The following SNTB1 variants were observed in gnomAD, a reference collection of about 807,000 sequenced individuals.
The protein encoded by SNTB1 is syntrophin beta 1.
In SNTB1, 36 loss-of-function variants were observed where a neutral mutation model predicts 48.9. The ratio of observed to expected loss-of-function variants is 0.74; its 90% CI spans 0.56 to 0.97. SNTB1 has a LOEUF of 0.97. Among genes scored for constraint, SNTB1 ranks in the 50% least tolerant of loss-of-function variants. SNTB1 has a pLI of 0.00. For missense variants in SNTB1, 786 were observed against 703.4 expected, an observed-to-expected ratio of 1.12 and a Z score of -1.33; for synonymous variants, 299 against 294.6, an observed-to-expected ratio of 1.01 and a Z score of -0.15.
At chr8:120,717,661 C>T (rs1417759051) in intron 1 of SNTB1, among the ~76,000 whole-genome samples, 1 of 152,018 alleles carries the variant, frequency 6.6e-6, no homozygotes, top group African/African-American at 2.4e-5. Context: ...ACAGCTTCAC[C>T]CCTCTCCTGG....
intron 1 of SNTB1, among the ~76,000 whole-genome samples, chr8:120,771,803 G>A (rs1819640499): frequency 6.6e-6 from 1 of 151,346 alleles, no homozygotes; most frequent in South Asian, 2.1e-4. Flanking sequence ...CTGCTCTTAA[G>A]AATTCTGTTA....
intron 1 of SNTB1, among the ~76,000 whole-genome samples, chr8:120,724,828 C>T (rs1024453116): frequency 3.3e-5 from 5 of 151,998 alleles, no homozygotes; most frequent in African/African-American, 1.2e-4. Context: ...CTTAGAGGGG[C>T]CATGGAAGAC....
At chr8:120,703,414 C>T (rs1204016327) in intron 1 of SNTB1, among the ~76,000 whole-genome samples, 1 of 152,166 alleles carries the variant, frequency 6.6e-6, no homozygotes, top group Non-Finnish European at 1.5e-5. Context: ...CATGAGCCAC[C>T]GTGTGTGGCC....
intron 2 of SNTB1, among the ~76,000 whole-genome samples, chr8:120,645,944 C>A (rs1359214682): frequency 1.4e-5 from 2 of 141,610 alleles, no homozygotes; most frequent in African/African-American, 5.3e-5. Context: ...TGGGAGTTCA[C>A]TCATGATTTG....
intron 1 of SNTB1, among the ~76,000 whole-genome samples, chr8:120,788,879 T>C (rs1819972247): frequency 6.6e-6 from 1 of 152,092 alleles, no homozygotes; most frequent in Admixed American, 6.6e-5. Context: ...AACTGTACTC[T>C]AGCTCAAATG....
chr8:120,548,419 G>A lies in SNTB1; in HGVS notation c.1333+343C>T, dbSNP rs117836396. On this transcript the variant is annotated intron_variant, in intron 5 of 6. Transcript: ENST00000517992. ...AATTTTATTCTGTGATAGATTACTC[G>A]GAATCAGTTTCTGTTGTTTGTAACC... 5.4e-3 allele frequency among the ~76,000 whole-genome samples: 826 copies of A among 152,116 alleles called. 3 individuals carry two copies. The highest frequency in any genetic ancestry group is 0.011 in the South Asian group (52 of 4,808).
At chr8:120,809,129 G>C (rs1393974667) in intron 1 of SNTB1, among the ~76,000 whole-genome samples, 1 of 152,214 alleles carries the variant, frequency 6.6e-6, no homozygotes, top group Non-Finnish European at 1.5e-5. Context: ...CTACAAAAGA[G>C]AGGATTGTGA....
At chr8:120,803,421 G>A (rs1046254731) in intron 1 of SNTB1, among the ~76,000 whole-genome samples, 15 of 152,296 alleles carry the variant, frequency 9.8e-5, no homozygotes, top group African/African-American at 3.6e-4. Flanking sequence ...GGCCAGTGAA[G>A]TGGGTAATGA....
chr8:120,720,234 G>C (rs1042837948), intron 1 of SNTB1, among the ~76,000 whole-genome samples: 3 of 152,228 alleles, frequency 2.0e-5, no homozygotes, highest in Non-Finnish European at 4.4e-5. Flanking sequence ...CCCAGATGGT[G>C]AGGCTGTCCT....
chr8:120,612,453 A>G (rs137950300), intron 3 of SNTB1, among the ~76,000 whole-genome samples: 10 of 152,334 alleles, frequency 6.6e-5, no homozygotes, highest in African/African-American at 1.9e-4. Context: ...ACTGTTAGGC[A>G]TCGGAATCTC....
At chr8:120,554,629 C>T (rs1019434736) in intron 4 of SNTB1, among the ~76,000 whole-genome samples, 1 of 152,068 alleles carries the variant, frequency 6.6e-6, no homozygotes, top group African/African-American at 2.4e-5. Context: ...TTTTATTCAC[C>T]TTTCTTAAAT....
At chr8:120,709,968 G>T (rs1818437182) in intron 1 of SNTB1, among the ~76,000 whole-genome samples, 1 of 151,930 alleles carries the variant, frequency 6.6e-6, no homozygotes. Context: ...TCTGCCCAAG[G>T]CAAACCTCCC....
chr8:120,634,902 A>G (rs1039163802), intron 2 of SNTB1, among the ~76,000 whole-genome samples: 2 of 144,640 alleles, frequency 1.4e-5, no homozygotes, highest in Non-Finnish European at 1.5e-5. Context: ...CCCAGGCTGG[A>G]GTGCAGTGGT....
chr8:120,560,499 T>A (rs955024743), intron 4 of SNTB1, among the ~76,000 whole-genome samples: 3 of 150,012 alleles, frequency 2.0e-5, no homozygotes, highest in African/African-American at 5.1e-5. Context: ...AATAAATAAA[T>A]AATAAATAAA....
intron 2 of SNTB1, among the ~76,000 whole-genome samples, chr8:120,669,593 C>T (rs1587076362): frequency 1.1e-5 from 1 of 89,080 alleles, no homozygotes; most frequent in East Asian, 2.4e-4. Context: ...GCTGGGACTA[C>T]AGGCGCCTGC....
chr8:120,759,957 G>C (rs1587139355), intron 1 of SNTB1, among the ~76,000 whole-genome samples: 1 of 152,096 alleles, frequency 6.6e-6, no homozygotes, highest in African/African-American at 2.4e-5. Context: ...GTACTAAAAA[G>C]CAGCCATTTC....
At chr8:120,758,545 T>A (rs939712333) in intron 1 of SNTB1, among the ~76,000 whole-genome samples, 1 of 152,234 alleles carries the variant, frequency 6.6e-6, no homozygotes, top group Non-Finnish European at 1.5e-5. Context: ...TCCAGCTCCA[T>A]TAATATGCAA....
chr8:120,545,936 T>C (rs1480204673), intron 5 of SNTB1, among the ~76,000 whole-genome samples: 1 of 152,178 alleles, frequency 6.6e-6, no homozygotes, highest in Non-Finnish European at 1.5e-5. Flanking sequence ...ATTAAACCTA[T>C]GAGGTAGGTC....
At chr8:120,807,754 G>A (rs577471557) in intron 1 of SNTB1, among the ~76,000 whole-genome samples, 1 of 152,258 alleles carries the variant, frequency 6.6e-6, no homozygotes, top group South Asian at 2.1e-4. Context: ...GAGTGGGGCA[G>A]AAGAATGCTT....
Sources: allele counts gnomAD v4.1 joint callset (sites outside exome capture counted in the v4.1 genomes callset), GRCh38; gene constraint gnomAD v4.1.1; transcripts MANE v1.5; gene names NCBI Gene and HGNC (gene_info 2026-07-23, HGNC 2026-07-21).